The following TLN2 variants were observed in gnomAD, a reference collection of about 807,000 sequenced individuals.
TLN2 encodes talin 2, also known as talin-2.
A neutral mutation model predicts 294.7 loss-of-function variants in TLN2; 118 were observed. The ratio of observed to expected loss-of-function variants is 0.40; its 90% CI spans 0.34 to 0.47. The LOEUF is 0.47. TLN2 is among the 20% of genes least tolerant of loss of function. TLN2 has a pLI of 0.84. For missense variants in TLN2, 3,083 were observed against 3,282.2 expected (o/e 0.94, Z 1.48); for synonymous variants, 1,431 against 1,304.5 (o/e 1.10, Z -2.09).
chr15:62,529,518 G>A lies in TLN2; in HGVS notation c.-237-60169G>A, dbSNP rs1555423825. 2.7e-5 allele frequency among the ~76,000 whole-genome samples: 4 copies of A among 146,754 alleles called. No individual in the cohort carries two copies. In the South Asian group the frequency reaches 8.7e-4, roughly 32 times the overall value. On this transcript the variant is annotated intron_variant, in intron 1 of 58. Coordinates refer to ENST00000636159, the MANE Select transcript of TLN2 (RefSeq NM_015059.3). ...TGTCTCCAATCCCTGCCCCTCCCTT[G>A]CCTCTCTTGTTTTTTTTATTTTTTT...
chr15:62,768,680 G>T (rs919156425), intron 41 of TLN2, among the ~76,000 whole-genome samples: 3 of 152,170 alleles, frequency 2.0e-5, no homozygotes, highest in African/African-American at 7.2e-5. Context: ...CCCAAGGAAG[G>T]ATGTTTCCTG....
At chr15:62,655,920 C>T in intron 7 of TLN2, 24 bp from the exon 8 acceptor site, 1 of 1,613,666 alleles carries the variant, frequency 6.2e-7, no homozygotes. Context: ...ACACAGTTCT[C>T]TTATATGTCT....
intron 2 of TLN2, among the ~76,000 whole-genome samples, chr15:62,591,681 A>G (rs1377547817): frequency 6.6e-6 from 1 of 152,118 alleles, no homozygotes; most frequent in Non-Finnish European, 1.5e-5. Flanking sequence ...TCTGACTGGC[A>G]TGTGGGGATG....
intron 41 of TLN2, among the ~76,000 whole-genome samples, chr15:62,770,647 C>T (rs1253008552): frequency 6.6e-6 from 1 of 152,100 alleles, no homozygotes; most frequent in Non-Finnish European, 1.5e-5. Context: ...GTCTTTAGTT[C>T]TTTTAAAAGT....
intron 25 of TLN2, 78 bp from the exon 26 acceptor site, chr15:62,722,275 A>T: frequency 1.4e-6 from 2 of 1,471,520 alleles, no homozygotes; most frequent in Non-Finnish European, 1.8e-6. Flanking sequence ...ACTGCTGTGG[A>T]GACCTCGCTG....
At chr15:62,501,567 C>T (rs1230950751) in intron 1 of TLN2, among the ~76,000 whole-genome samples, 1 of 152,184 alleles carries the variant, frequency 6.6e-6, no homozygotes, top group African/African-American at 2.4e-5. Context: ...TTCTGTCACA[C>T]TTTGAATAGT....
At chr15:62,445,583 G>T (rs1236364576) in intron 1 of TLN2, among the ~76,000 whole-genome samples, 2 of 152,072 alleles carry the variant, frequency 1.3e-5, no homozygotes, top group African/African-American at 4.8e-5. Flanking sequence ...AACTATTAAT[G>T]TGATGTTCCA....
chr15:62,806,544 G>A (rs1490836674), intron 51 of TLN2, among the ~76,000 whole-genome samples: 6 of 152,174 alleles, frequency 3.9e-5, no homozygotes, highest in Admixed American at 2.0e-4. Flanking sequence ...GCAGAACTTG[G>A]CGAGCTGCTT....
At chr15:62,599,972 A>G (rs114533971) in intron 2 of TLN2, among the ~76,000 whole-genome samples, 2,805 of 152,224 alleles carry the variant, frequency 0.018, 58 homozygotes, top group South Asian at 0.069. Context: ...GTTTCCAAAA[A>G]CACTGCAGTG....
At chr15:62,615,040 A>G (rs1476989728) in intron 2 of TLN2, among the ~76,000 whole-genome samples, 1 of 152,122 alleles carries the variant, frequency 6.6e-6, no homozygotes, top group Non-Finnish European at 1.5e-5. Context: ...TCCTGACCTC[A>G]GGGGATCCGC....
chr15:62,770,976 G>A lies in TLN2; in HGVS notation c.5209G>A (p.Ala1737Thr). Residue 1737 changes from alanine to threonine, a missense_variant, in exon 42 of 59, where the codon GCA (alanine) becomes ACA (threonine). By Grantham distance (58) the Ala-to-Thr change is moderately conservative. Transcript: ENST00000636159. ...AQLGHKVTQL[A>T]SYFEPLILAA... ...TTTTTTTTGAAAGGTGACACAACTG[G>A]CAAGCTATTTTGAGCCCTTGATCTT... is the stretch of plus-strand genomic sequence containing the variant. 3 of 1,591,168 alleles carry A rather than the reference G, an allele frequency of 1.9e-6. No homozygotes were observed. Among genetic ancestry groups the A allele is most frequent in the Admixed American group, 3.6e-5 (2 of 55,472 alleles).
chr15:62,434,340 G>T (rs2035177672), intron 1 of TLN2, among the ~76,000 whole-genome samples: 1 of 152,100 alleles, frequency 6.6e-6, no homozygotes, highest in African/African-American at 2.4e-5. Flanking sequence ...TATCCTATTA[G>T]ATTATATAGA....
chr15:62,820,716 G>A, intron 54 of TLN2, 106 bp downstream of exon 54: 1 of 1,430,716 alleles, frequency 7.0e-7, no homozygotes. Flanking sequence ...CCTTCCTTAT[G>A]GTCAGACTAG....
intron 55 of TLN2, chr15:62,834,373 A>G (rs189963319): frequency 6.6e-6 from 1 of 152,268 alleles, no homozygotes; most frequent in East Asian, 1.9e-4. Context: ...GGTTTGGGAA[A>G]TGTGGTCACC....
intron 1 of TLN2, among the ~76,000 whole-genome samples, chr15:62,556,688 A>G (rs984595593): frequency 1.3e-5 from 2 of 152,198 alleles, no homozygotes; most frequent in Non-Finnish European, 2.9e-5. Flanking sequence ...TTGCAAATAT[A>G]GAAAGTTTTA....
At chr15:62,516,338 A>G (rs1183265906) in intron 1 of TLN2, among the ~76,000 whole-genome samples, 2 of 152,208 alleles carry the variant, frequency 1.3e-5, no homozygotes, top group African/African-American at 2.4e-5. Flanking sequence ...GACATACAGC[A>G]TCCTTTCCTC....
In TLN2 at chr15:62,582,242, A is replaced by ACC. The variant is rs1487083545; in HGVS notation, c.-237-7444_-237-7443insCC. Among the ~76,000 whole-genome samples, 15 of 140,870 alleles carry ACC rather than the reference A, an allele frequency of 1.1e-4. 1 individual carries two copies. The highest frequency in any genetic ancestry group is 1.7e-4 in the African/African-American group (6 of 34,668). The allele number at this position is 140,870 out of a possible 152,430, so 92.4% of individuals were successfully genotyped here. Reference sequence around the variant, plus strand: ...CACACACACACACACACACACACACACACACATTCATGCCTGACCCATTCC... The same window carrying ACC: ...CACACACACACACACACACACACACACCCACACATTCATGCCTGACCCATTCC... On this transcript the variant is annotated intron_variant, in intron 1 of 58. Transcript: ENST00000636159.
intron 28 of TLN2, among the ~76,000 whole-genome samples, chr15:62,732,753 T>G (rs764833892): frequency 1.3e-5 from 2 of 152,186 alleles, no homozygotes; most frequent in Non-Finnish European, 2.9e-5. Context: ...TCTTGGTGAC[T>G]GGTTAGAAGT....
At chr15:62,466,465 G>C (rs2037141737) in intron 1 of TLN2, among the ~76,000 whole-genome samples, 1 of 152,212 alleles carries the variant, frequency 6.6e-6, no homozygotes, top group Non-Finnish European at 1.5e-5. Context: ...GGTGCCACTA[G>C]CATCCCCACC....
Sources: gnomAD v4.1 joint callset for allele counts (sites outside exome capture counted in the v4.1 genomes callset) on GRCh38, gnomAD v4.1.1 for gene constraint, MANE v1.5 for transcripts, NCBI Gene and HGNC (gene_info 2026-07-23, HGNC 2026-07-21) for gene names.